The following OR51B5 variants were observed in gnomAD, a reference collection of about 807,000 sequenced individuals.
The protein encoded by OR51B5 is olfactory receptor 51B5.
For missense variants in OR51B5, 456 were observed against 374.6 expected (o/e 1.22, Z -1.79); for synonymous variants, 186 against 144.8 (o/e 1.28, Z -2.04).
intron 1 of OR51B5, among the ~76,000 whole-genome samples, chr11:5,413,328 G>A (rs1029602182): frequency 2.0e-5 from 3 of 151,972 alleles, no homozygotes; most frequent in Admixed American, 1.3e-4. Context: ...AAACCACAAA[G>A]ATGGGGAAAA....
rs545444211 is a variant in OR51B5, at chr11:5,380,903, G to T, written n.85-33993C>A. 3.9e-5 allele frequency among the ~76,000 whole-genome samples: 6 copies of T among 152,226 alleles called. No homozygotes were observed. The East Asian group carries it at 1.2e-3, about 29-fold the overall frequency. On this transcript the variant is annotated intron_variant and non_coding_transcript_variant, in intron 1 of 4. Transcript: ENST00000415970. ...GATAGTAGGGCCTTGGTGCTGGTCA[G>T]AATTTAAGCCTATCCTTGGGCTGAA... is the stretch of plus-strand genomic sequence containing the variant.
At chr11:5,393,319 C>T (rs866570815) in intron 1 of OR51B5, 1 of 152,072 alleles carries the variant, frequency 6.6e-6, no homozygotes, top group South Asian at 2.1e-4. Context: ...AAAGCATATT[C>T]ATTTGATACA....
intron 1 of OR51B5, among the ~76,000 whole-genome samples, chr11:5,369,252 G>C (rs764789723): frequency 7.0e-6 from 1 of 143,236 alleles, no homozygotes; most frequent in Non-Finnish European, 1.5e-5. Context: ...CAACATGATA[G>C]AAGAAGATAT....
intron 1 of OR51B5, among the ~76,000 whole-genome samples, chr11:5,369,976 T>C (rs1340370536): frequency 2.0e-5 from 3 of 151,910 alleles, no homozygotes; most frequent in Non-Finnish European, 4.4e-5. Flanking sequence ...GAAAGAGGCT[T>C]TGGTATTCTG....
intron 1 of OR51B5, among the ~76,000 whole-genome samples, chr11:5,464,478 T>C (rs865905506): frequency 2.5e-5 from 3 of 119,556 alleles, no homozygotes; most frequent in Admixed American, 2.4e-4. Context: ...GATATTCCCC[T>C]TCCTGTGTCC....
chr11:5,381,769 G>C (rs540679032), intron 1 of OR51B5, among the ~76,000 whole-genome samples: 21 of 152,304 alleles, frequency 1.4e-4, no homozygotes, highest in African/African-American at 4.8e-4. Flanking sequence ...AATCAAAAAT[G>C]CTGAGTTCTT....
At chr11:5,489,785 A>G in intron 1 of OR51B5, 1 of 720,166 alleles carries the variant, frequency 1.4e-6, no homozygotes, top group South Asian at 1.8e-5. Context: ...TCTGGAAGGA[A>G]GAGGAATAGC....
intron 1 of OR51B5, among the ~76,000 whole-genome samples, chr11:5,381,691 T>G (rs1276126551): frequency 6.6e-6 from 1 of 152,010 alleles, no homozygotes. Flanking sequence ...GTAATTTCAG[T>G]CACACTTCAA....
chr11:5,465,651 A>C (rs7396704), intron 1 of OR51B5, among the ~76,000 whole-genome samples: 77,351 of 128,018 alleles, frequency 0.6, 24,145 homozygotes, highest in Non-Finnish European at 0.66. Flanking sequence ...AGAAATAACG[A>C]CGCATATCTA....
At chr11:5,403,322 A>G (rs872166) in intron 1 of OR51B5, 61,526 of 471,462 alleles carry the variant, frequency 0.13, 4,935 homozygotes, top group African/African-American at 0.29. Flanking sequence ...CACTCAACAC[A>G]TGTGGCTCAC....
At chr11:5,400,359 C>A (rs1423205157) in intron 1 of OR51B5, among the ~76,000 whole-genome samples, 1 of 152,060 alleles carries the variant, frequency 6.6e-6, no homozygotes, top group African/African-American at 2.4e-5. Context: ...TATCCTATTA[C>A]ATCTACAGTT....
rs546596623 is a variant in OR51B5 at position 5,424,818 on chromosome 11, A to G, written n.85-77908T>C. 1.3e-3 allele frequency among the ~76,000 whole-genome samples: 93 copies of G among 73,332 alleles called. 15 individuals carry two copies. The highest frequency in any genetic ancestry group is 2.0e-3 in the Non-Finnish European group (60 of 29,294). The allele number at this position is 73,332 out of a possible 152,430, so 48.1% of individuals were successfully genotyped here. A position where few individuals can be genotyped will look rare whatever the true frequency, so the allele number is the denominator to read the frequency against. On this transcript the variant is annotated intron_variant and non_coding_transcript_variant, in intron 1 of 4. Transcript: ENST00000415970. Reference sequence around the variant, plus strand: ...AACACGGTGAAACCCCATCTCTACTAAAAAATAGAAAAAATTAGCCGGGCG... The same window carrying G: ...AACACGGTGAAACCCCATCTCTACTGAAAAATAGAAAAAATTAGCCGGGCG...
At chr11:5,392,526 A>G (rs1447175191) in intron 1 of OR51B5, 1 of 152,266 alleles carries the variant, frequency 6.6e-6, no homozygotes, top group African/African-American at 2.4e-5. Context: ...TACAGGTAAT[A>G]ACATATTTGA....
In OR51B5 at chr11:5,342,706, A is replaced by AATGAGGTGAAC; in HGVS notation, c.808_818dup (p.Ile273MetfsTer6). 1.2e-6 allele frequency: 2 copies of AATGAGGTGAAC among 1,613,924 alleles called. No individual in the cohort carries two copies. Among genetic ancestry groups the AATGAGGTGAAC allele is most frequent in the Non-Finnish European group, 1.7e-6 (2 of 1,179,806 alleles). On this transcript the variant is annotated frameshift_variant, in exon 1 of 1. Coordinates refer to ENST00000300773, the Ensembl canonical transcript of OR51B5. LOFTEE classifies it low-confidence loss of function (END_TRUNC). ...GGAACAGAAAATAGGCATAGCTCAT[A>AATGAGGTGAAC]ATGAGGTGAACAATATGTGGAACCT...
At chr11:5,493,978 G>T (rs1193304982) in intron 1 of OR51B5, among the ~76,000 whole-genome samples, 1 of 152,104 alleles carries the variant, frequency 6.6e-6, no homozygotes, top group Non-Finnish European at 1.5e-5. Context: ...CCAATATTAA[G>T]ACTTGATACT....
At chr11:5,385,747 T>TTA (rs34285283) in intron 1 of OR51B5, among the ~76,000 whole-genome samples, 26,926 of 149,694 alleles carry the variant, frequency 0.18, 2,578 homozygotes, top group African/African-American at 0.25. Context: ...TTTTGTATAT[T>TTA]TGTTTACATA....
intron 1 of OR51B5, chr11:5,352,484 C>T: frequency 1.5e-6 from 2 of 1,293,856 alleles, no homozygotes; most frequent in Middle Eastern, 1.9e-4. Context: ...ATTCAGGGGA[C>T]CTGGACAGGA....
chr11:5,414,916 C>G (rs1255414134), intron 1 of OR51B5, among the ~76,000 whole-genome samples: 1 of 152,146 alleles, frequency 6.6e-6, no homozygotes, highest in Non-Finnish European at 1.5e-5. Flanking sequence ...AGCTCTGCAC[C>G]AAGCGGACCT....
At chr11:5,422,236 C>G (rs1850351302) in intron 1 of OR51B5, 1 of 1,613,172 alleles carries the variant, frequency 6.2e-7, no homozygotes, top group Admixed American at 1.7e-5. Flanking sequence ...AAGAAGGCAT[C>G]TACTTCATCC....
Sources: allele counts gnomAD v4.1 joint callset (sites outside exome capture counted in the v4.1 genomes callset), GRCh38; gene constraint gnomAD v4.1.1; transcripts MANE v1.5; gene names NCBI Gene and HGNC (gene_info 2026-07-23, HGNC 2026-07-21).